The following CHD9 variants were observed in gnomAD, a reference collection of about 807,000 sequenced individuals.
CHD9 encodes ATP-dependent chromatin remodeler CHD9.
CHD9 carries 77 observed loss-of-function variants against 316.1 expected under a neutral mutation model. That is an observed-to-expected ratio of 0.24 (90% CI 0.20 to 0.29). CHD9 has a LOEUF of 0.29. CHD9 is among the 10% of genes least tolerant of loss of function. CHD9 has a pLI of 1.00. For synonymous variants in CHD9, 1,129 were observed against 1,158.3 expected, an observed-to-expected ratio of 0.97 and a Z score of 0.51; for missense variants, 2,763 against 3,438.1, an observed-to-expected ratio of 0.80 and a Z score of 4.91.
intron 10 of CHD9, 48 bp downstream of exon 10, chr16:53,231,832 T>C: frequency 6.7e-7 from 1 of 1,489,866 alleles, no homozygotes. Context: ...CACTTGTTTA[T>C]GTAAGTTATG....
chr16:53,303,623 G>T, intron 30 of CHD9, 97 bp from the exon 31 acceptor site: 1 of 869,120 alleles, frequency 1.2e-6, no homozygotes, highest in Non-Finnish European at 1.6e-6. Flanking sequence ...TTTTAGAAAT[G>T]GTATTGTTAT....
chr16:53,292,795 C>G (rs376701342), intron 28 of CHD9, 38 bp from the exon 29 acceptor site: 16 of 1,510,158 alleles, frequency 1.1e-5, no homozygotes, highest in Admixed American at 1.7e-5. Flanking sequence ...CATACAGTAT[C>G]TGTTTAGTTA....
At chr16:53,231,360 C>G (rs2048161068) in intron 8 of CHD9, 59 bp from the exon 9 acceptor site, 1 of 969,160 alleles carries the variant, frequency 1.0e-6, no homozygotes, top group Non-Finnish European at 1.6e-6. Flanking sequence ...TAAATTCGTC[C>G]TTACTTTTAT....
chr16:53,141,527 T>C (rs1248956275), intron 1 of CHD9, among the ~76,000 whole-genome samples: 3 of 152,184 alleles, frequency 2.0e-5, no homozygotes, highest in East Asian at 1.9e-4. Context: ...GTCATGAAAA[T>C]GATATGTTGT....
chr16:53,323,911 A>G, intron 38 of CHD9, 109 bp from the exon 39 acceptor site: 3 of 928,422 alleles, frequency 3.2e-6, no homozygotes, highest in Non-Finnish European at 4.9e-6. Flanking sequence ...TCAGTACAGA[A>G]TAAATTTACA....
At chr16:53,238,288 A>G (rs763509969) in intron 11 of CHD9, 55 bp from the exon 12 acceptor site, 1 of 1,402,042 alleles carries the variant, frequency 7.1e-7, no homozygotes, top group South Asian at 1.4e-5. Context: ...ATTTATCTTT[A>G]AAGTATAGAA....
intron 19 of CHD9, among the ~76,000 whole-genome samples, chr16:53,257,717 A>G (rs969536031): frequency 8.5e-5 from 13 of 152,180 alleles, no homozygotes; most frequent in African/African-American, 2.4e-4. Flanking sequence ...GTTGCCTGGG[A>G]CACAGATACA....
At chr16:53,281,089 G>C (rs913209933) in intron 24 of CHD9, among the ~76,000 whole-genome samples, 1 of 151,934 alleles carries the variant, frequency 6.6e-6, no homozygotes, top group Non-Finnish European at 1.5e-5. Flanking sequence ...TTTTTCCTTA[G>C]GTGAACTCAT....
chr16:53,068,106 C>G (rs1406985593), intron 1 of CHD9, among the ~76,000 whole-genome samples: 1 of 152,120 alleles, frequency 6.6e-6, no homozygotes, highest in Non-Finnish European at 1.5e-5. Flanking sequence ...ATTCCTACCC[C>G]ACTTCCATCA....
In CHD9 at chr16:53,314,461, A is replaced by G. The variant is rs2056730252; in HGVS notation, c.7307A>G (p.Lys2436Arg). ...GTCAAAAAAAGGCGAGGAAGGAGGA[A>G]GAATGTAGAAGGTGTTGACATCTTC... is the stretch of plus-strand genomic sequence containing the variant. ...PIVKKRRGRR[K>R]NVEGVDIFFF... is the part of the protein sequence containing the mutation. The change falls in exon 35 of 39, where the codon AAG becomes AGG. Residue 2436 changes from lysine to arginine, a missense_variant. By Grantham distance (26) the Lys-to-Arg change is conservative. Transcript: ENST00000447540. The G allele has an allele frequency of 6.3e-7, 1 of 1,584,712 alleles. No individual in the cohort carries two copies. Among genetic ancestry groups the G allele is most frequent in the African/African-American group, 1.3e-5 (1 of 74,476 alleles).
chr16:53,220,596 A>AT (rs575314261), intron 3 of CHD9, among the ~76,000 whole-genome samples: 8 of 151,838 alleles, frequency 5.3e-5, no homozygotes, highest in African/African-American at 1.7e-4. Flanking sequence ...CAACTGCTTT[A>AT]TTTTTTTTAT....
intron 37 of CHD9, among the ~76,000 whole-genome samples, chr16:53,318,935 C>T (rs1471660000): frequency 6.6e-6 from 1 of 152,180 alleles, no homozygotes; most frequent in East Asian, 1.9e-4. Context: ...CATCATATTA[C>T]ATAATTTCTG....
In CHD9 at chr16:53,325,093, A is replaced by C. The variant is rs2057496740; in HGVS notation, c.*198A>C. 1 of 463,850 alleles carries C rather than the reference A, an allele frequency of 2.2e-6. No individual in the cohort carries two copies. Among genetic ancestry groups the C allele is most frequent in the Non-Finnish European group, 3.8e-6 (1 of 262,472 alleles). 28.7% of individuals were successfully genotyped at this position (463,850 alleles called of 1,614,324 possible). On this transcript the variant is annotated 3_prime_UTR_variant, in exon 39 of 39. Coordinates refer to ENST00000447540, the MANE Select transcript of CHD9 (RefSeq NM_001308319.2). ...TTCATAAGTTTCTGAACTCGTATGT[A>C]CTATCAAATACATAAAGGTGTAAAA...
At chr16:53,271,945 A>G (rs2052310432) in intron 22 of CHD9, among the ~76,000 whole-genome samples, 1 of 152,176 alleles carries the variant, frequency 6.6e-6, no homozygotes, top group Non-Finnish European at 1.5e-5. Flanking sequence ...ATACAGAACT[A>G]TTTATCATTC....
chr16:53,176,357 C>T (rs1179332037), intron 2 of CHD9, among the ~76,000 whole-genome samples: 1 of 152,118 alleles, frequency 6.6e-6, no homozygotes, highest in African/African-American at 2.4e-5. Flanking sequence ...TTATAAGGAC[C>T]CTAGTGATTA....
At chr16:53,162,052 G>A (rs1262472797) in intron 2 of CHD9, among the ~76,000 whole-genome samples, 1 of 152,130 alleles carries the variant, frequency 6.6e-6, no homozygotes, top group African/African-American at 2.4e-5. Context: ...GCCTGACCCA[G>A]CCTTGCTTTT....
chr16:53,164,201 CT>C (rs1293232838), intron 2 of CHD9, among the ~76,000 whole-genome samples: 21 of 152,164 alleles, frequency 1.4e-4, no homozygotes, highest in African/African-American at 4.8e-4. Context: ...AAGACCATGC[CT>C]CTCATGTTTT....
chr16:53,148,829 C>T (rs2040855175), intron 1 of CHD9, among the ~76,000 whole-genome samples: 1 of 152,114 alleles, frequency 6.6e-6, no homozygotes, highest in Non-Finnish European at 1.5e-5. Flanking sequence ...GTTTAGTTTG[C>T]TTTTCTGTTT....
intron 1 of CHD9, among the ~76,000 whole-genome samples, chr16:53,074,072 C>T (rs140888927): frequency 6.6e-5 from 10 of 152,270 alleles, no homozygotes; most frequent in African/African-American, 1.9e-4. Flanking sequence ...ACAATGAAAT[C>T]GAGGCTGAGG....
Sources: allele counts gnomAD v4.1 joint callset (sites outside exome capture counted in the v4.1 genomes callset), GRCh38; gene constraint gnomAD v4.1.1; transcripts MANE v1.5; gene names NCBI Gene and HGNC (gene_info 2026-07-23, HGNC 2026-07-21).